UBR3: variants seen among roughly 807,000 people sequenced by gnomAD.
UBR3 encodes ubiquitin protein ligase E3 component n-recognin 3.
Under a neutral mutation model 243.2 loss-of-function variants are expected in UBR3, and 85 were observed. That is an observed-to-expected ratio of 0.35 (90% confidence interval 0.29 to 0.42). The LOEUF (loss-of-function observed/expected upper bound fraction) is 0.42, where lower values mean the gene tolerates loss of function less well. Among genes scored for constraint, UBR3 ranks in the 10% least tolerant of loss-of-function variants. The probability of loss-of-function intolerance (pLI) is 1.00; values close to 1 mark genes in which losing one functional copy is unlikely to be tolerated. For missense variants in UBR3, 1,686 were observed against 2,300.8 expected, an observed-to-expected ratio of 0.73 and a Z score of 5.47; for synonymous variants, 748 against 799.8, an observed-to-expected ratio of 0.94 and a Z score of 1.09.
intron 31 of UBR3, among the ~76,000 whole-genome samples, chr2:170,033,505 A>G (rs1462186217): frequency 6.7e-6 from 1 of 149,838 alleles, no homozygotes; most frequent in Non-Finnish European, 1.5e-5. Flanking sequence ...CTAAGTTTTA[A>G]CTATCATTGT....
chr2:169,985,527 G>A (rs1479016372), intron 24 of UBR3, among the ~76,000 whole-genome samples: 3 of 151,906 alleles, frequency 2.0e-5, no homozygotes, highest in Non-Finnish European at 2.9e-5. Flanking sequence ...CACCATGCCC[G>A]GCCTCATATC....
chr2:169,982,381 TTATAAA>T (rs1378455995), intron 24 of UBR3, among the ~76,000 whole-genome samples: 1 of 152,046 alleles, frequency 6.6e-6, no homozygotes, highest in African/African-American at 2.4e-5. Flanking sequence ...TCTAATTAAT[TTATAAA>T]TATAAAGGTT....
chr2:170,083,669 A>C lies in UBR3; in HGVS notation c.*1826A>C, dbSNP rs1574495841. 2 of 152,738 alleles carry C rather than the reference A, an allele frequency of 1.3e-5. No individual in the cohort carries two copies. Among genetic ancestry groups the C allele is most frequent in the South Asian group, 4.1e-4 (2 of 4,824 alleles). 9.5% of individuals were successfully genotyped at this position (152,738 alleles called of 1,614,324 possible). ...GGTATAATGTATTCAGACTTTGATT[A>C]CTACTTATTTAAAATGGAATGTTTT... On this transcript the variant is annotated 3_prime_UTR_variant, in exon 39 of 39. Coordinates refer to ENST00000272793, the MANE Select transcript of UBR3 (RefSeq NM_172070.4).
intron 36 of UBR3, chr2:170,077,264 G>T: frequency 1.3e-6 from 1 of 741,098 alleles, no homozygotes; most frequent in South Asian, 1.3e-5. Context: ...ATCATTTTCA[G>T]GATTGTTGGT....
At chr2:170,064,195 T>C (rs2091507519) in intron 35 of UBR3, among the ~76,000 whole-genome samples, 1 of 152,246 alleles carries the variant, frequency 6.6e-6, no homozygotes, top group Non-Finnish European at 1.5e-5. Context: ...ATTGGGTTTC[T>C]GTGATTATCT....
At chr2:169,882,854 A>G (rs2083946545) in intron 5 of UBR3, among the ~76,000 whole-genome samples, 1 of 152,236 alleles carries the variant, frequency 6.6e-6, no homozygotes, top group Non-Finnish European at 1.5e-5. Context: ...AAGGGACTAT[A>G]TAATTCATCT....
At chr2:169,867,797 T>A (rs1215310352) in intron 1 of UBR3, among the ~76,000 whole-genome samples, 2 of 152,242 alleles carry the variant, frequency 1.3e-5, no homozygotes, top group African/African-American at 4.8e-5. Flanking sequence ...GACTCAACAT[T>A]TTTAAAGATT....
chr2:169,940,319 A>G (rs188085801), intron 19 of UBR3, among the ~76,000 whole-genome samples: 221 of 152,148 alleles, frequency 1.5e-3, no homozygotes, highest in African/African-American at 5.1e-3. Flanking sequence ...CTTTTTCTAT[A>G]TAGTTTAGGC....
intron 1 of UBR3, among the ~76,000 whole-genome samples, chr2:169,838,351 C>G (rs545303498): frequency 6.8e-6 from 1 of 147,722 alleles, no homozygotes; most frequent in African/African-American, 2.5e-5. Flanking sequence ...TTTATTTATT[C>G]CAGTCTGGAA....
intron 6 of UBR3, among the ~76,000 whole-genome samples, chr2:169,894,122 G>A (rs1328483321): frequency 1.3e-5 from 2 of 151,784 alleles, no homozygotes; most frequent in African/African-American, 2.4e-5. Flanking sequence ...ATAAAGAAAT[G>A]TAGCCTGGAC....
At chr2:169,909,250 G>C (rs945303186) in intron 10 of UBR3, among the ~76,000 whole-genome samples, 1 of 152,182 alleles carries the variant, frequency 6.6e-6, no homozygotes, top group East Asian at 1.9e-4. Context: ...CTTGGATTCA[G>C]TTTTAAGGAG....
At chr2:169,828,137 T>G (rs921762820) in intron 1 of UBR3, 85 bp downstream of exon 1, 70 of 1,307,976 alleles carry the variant, frequency 5.4e-5, no homozygotes, top group Non-Finnish European at 6.7e-5. Context: ...GGGAGCCCAC[T>G]CTGAGCTGTC....
intron 24 of UBR3, among the ~76,000 whole-genome samples, chr2:169,967,244 C>CCCCCCG: frequency 8.9e-6 from 1 of 112,176 alleles, no homozygotes; most frequent in Non-Finnish European, 1.9e-5. Flanking sequence ...CCCCCACCCC[C>CCCCCCG]CTACAGGGTA....
intron 31 of UBR3, among the ~76,000 whole-genome samples, chr2:170,034,300 C>T (rs1390873827): frequency 5.3e-5 from 8 of 151,910 alleles, no homozygotes; most frequent in Admixed American, 5.3e-4. Context: ...AAAGTAGTTT[C>T]ACTGTCCTAA....
intron 24 of UBR3, among the ~76,000 whole-genome samples, chr2:169,979,233 C>A (rs1447540944): frequency 2.0e-5 from 3 of 152,130 alleles, no homozygotes; most frequent in Admixed American, 1.3e-4. Flanking sequence ...TGGCGAAATC[C>A]TGAAATCTGA....
chr2:169,921,184 A>C (rs1216825270), intron 11 of UBR3, among the ~76,000 whole-genome samples: 1 of 152,210 alleles, frequency 6.6e-6, no homozygotes, highest in African/African-American at 2.4e-5. Context: ...TTTTATGGCA[A>C]AGATACTGAG....
chr2:169,939,666 C>T (rs1016583485), intron 19 of UBR3, among the ~76,000 whole-genome samples: 1 of 151,580 alleles, frequency 6.6e-6, no homozygotes, highest in African/African-American at 2.4e-5. Flanking sequence ...TGGGCTCAAG[C>T]GATCTTCCCA....
intron 19 of UBR3, 133 bp from the exon 20 acceptor site, chr2:169,942,360 C>G (rs1308535764): frequency 3.5e-6 from 3 of 850,346 alleles, no homozygotes; most frequent in Non-Finnish European, 3.5e-6. Flanking sequence ...ACCTCTTTGG[C>G]ATTTTAAGCA....
chr2:169,959,103 AT>A (rs61473724), intron 24 of UBR3, among the ~76,000 whole-genome samples: 14,767 of 151,964 alleles, frequency 0.097, 853 homozygotes, highest in African/African-American at 0.16. Flanking sequence ...ATTCCAGCAA[AT>A]TTTTTTCTTT....
Sources: gnomAD v4.1 joint callset for allele counts (sites outside exome capture counted in the v4.1 genomes callset) on GRCh38, gnomAD v4.1.1 for gene constraint, MANE v1.5 for transcripts, NCBI Gene and HGNC (gene_info 2026-07-23, HGNC 2026-07-21) for gene names.